Variants in ROBO1 observed in about 807,000 individuals in gnomAD.
ROBO1 encodes roundabout homolog 1.
In ROBO1, 149 loss-of-function variants were observed where a neutral mutation model predicts 195.9. The observed-to-expected ratio is 0.76, with a 90% CI of 0.67 to 0.87. The LOEUF (loss-of-function observed/expected upper bound fraction) is 0.87. Among genes scored for constraint, ROBO1 ranks in the 40% least tolerant of loss-of-function variants. The probability of loss-of-function intolerance (pLI) is 0.00; values close to 1 mark genes in which losing one functional copy is unlikely to be tolerated. For synonymous variants in ROBO1, 816 were observed against 733.2 expected, an observed-to-expected ratio of 1.11 and a Z score of -1.82; for missense variants, 1,933 against 2,068.3, an observed-to-expected ratio of 0.93 and a Z score of 1.27.
intron 2 of ROBO1, among the ~76,000 whole-genome samples, chr3:79,554,779 C>T (rs1942640019): frequency 6.6e-6 from 1 of 152,082 alleles, no homozygotes; most frequent in African/African-American, 2.4e-5. Flanking sequence ...ATGTGTTAAT[C>T]ATCTTGGAGA....
intron 2 of ROBO1, among the ~76,000 whole-genome samples, chr3:79,151,598 A>G (rs2080772361): frequency 6.6e-6 from 1 of 151,688 alleles, no homozygotes; most frequent in Non-Finnish European, 1.5e-5. Context: ...TAGAAATCGG[A>G]CTTAGTTTTC....
rs1341448645 is a variant in ROBO1, at chr3:78,668,173, G to A, written c.1760C>T (p.Ser587Leu). The A allele has an allele frequency of 6.2e-7, 1 of 1,613,676 alleles. No individual in the cohort carries two copies. Among genetic ancestry groups the A allele is most frequent in the Non-Finnish European group, 8.5e-7 (1 of 1,179,804 alleles). ...VTLSWQPNLNSGATPTSYIIE... is the reference protein window; with the variant it reads ...VTLSWQPNLNLGATPTSYIIE... ...AATATAAGATGTTGGAGTTGCTCCT[G>A]AATTCAAATTTGGTTGCCACGATAA... The change falls in exon 13 of 31, where the codon TCA becomes TTA. Residue 587 changes from serine to leucine, a missense_variant. Coordinates refer to ENST00000464233, the MANE Select transcript of ROBO1 (RefSeq NM_002941.4).
chr3:79,766,669 A>G (rs1262063092), intron 1 of ROBO1, among the ~76,000 whole-genome samples: 1 of 151,860 alleles, frequency 6.6e-6, no homozygotes, highest in East Asian at 2.0e-4. Context: ...GCTTCTCCCC[A>G]TTGTGTTCTC....
intron 4 of ROBO1, among the ~76,000 whole-genome samples, chr3:78,836,043 G>A (rs2032680848): frequency 6.6e-6 from 1 of 152,164 alleles, no homozygotes; most frequent in Admixed American, 6.5e-5. Context: ...ATTGGACAAT[G>A]CTGCCTAAAT....
At chr3:79,044,179 A>T (rs1224395658) in intron 3 of ROBO1, among the ~76,000 whole-genome samples, 9 of 151,928 alleles carry the variant, frequency 5.9e-5, no homozygotes, top group African/African-American at 2.2e-4. Flanking sequence ...AAGAAAGTAT[A>T]CAAATTTGTG....
intron 2 of ROBO1, among the ~76,000 whole-genome samples, chr3:79,303,305 T>C (rs1157661727): frequency 6.6e-6 from 1 of 151,704 alleles, no homozygotes; most frequent in Non-Finnish European, 1.5e-5. Flanking sequence ...TAGCTAGAAC[T>C]AAGGCATGCG....
chr3:78,787,284 T>C, intron 4 of ROBO1, among the ~76,000 whole-genome samples: 1 of 152,334 alleles, frequency 6.6e-6, no homozygotes, highest in East Asian at 1.9e-4. Flanking sequence ...TACCAGTATT[T>C]CAAAATTGTT....
chr3:79,466,046 T>C (rs1214317506), intron 2 of ROBO1, among the ~76,000 whole-genome samples: 1 of 151,550 alleles, frequency 6.6e-6, no homozygotes, highest in Non-Finnish European at 1.5e-5. Flanking sequence ...AAAAAAACAC[T>C]GTGTCTAAAT....
intron 1 of ROBO1, among the ~76,000 whole-genome samples, chr3:79,595,682 G>T (rs1944143802): frequency 6.6e-6 from 1 of 151,170 alleles, no homozygotes; most frequent in Non-Finnish European, 1.5e-5. Flanking sequence ...AGGACTACAG[G>T]TGTGCACCAC....
At chr3:79,046,385 C>A (rs189497278) in intron 3 of ROBO1, among the ~76,000 whole-genome samples, 11 of 151,942 alleles carry the variant, frequency 7.2e-5, no homozygotes, top group Non-Finnish European at 1.6e-4. Context: ...GTGAGAGACC[C>A]GGAGTTAAAG....
chr3:78,851,663 T>C (rs1016638454), intron 4 of ROBO1, among the ~76,000 whole-genome samples: 5 of 152,224 alleles, frequency 3.3e-5, no homozygotes, highest in Non-Finnish European at 7.3e-5. Flanking sequence ...GATGAAAATA[T>C]ATAAATCAAT....
chr3:78,670,035 T>C, intron 11 of ROBO1, 61 bp downstream of exon 11: 1 of 1,335,076 alleles, frequency 7.5e-7, no homozygotes, highest in Non-Finnish European at 1.0e-6. Context: ...TCAATGCCAG[T>C]TGTTGGAGGC....
intron 4 of ROBO1, among the ~76,000 whole-genome samples, chr3:78,935,206 T>C (rs911388613): frequency 4.6e-5 from 7 of 152,048 alleles, no homozygotes; most frequent in Admixed American, 2.0e-4. Flanking sequence ...ATTAGCAAAA[T>C]ACATATACAC....
intron 1 of ROBO1, among the ~76,000 whole-genome samples, chr3:79,754,427 T>C (rs760699166): frequency 6.6e-6 from 1 of 152,148 alleles, no homozygotes; most frequent in Non-Finnish European, 1.5e-5. Context: ...CCTGTTGAAG[T>C]GAACTATAAC....
chr3:79,633,429 A>G (rs1945405341), intron 1 of ROBO1, among the ~76,000 whole-genome samples: 1 of 147,230 alleles, frequency 6.8e-6, no homozygotes, highest in South Asian at 2.1e-4. Flanking sequence ...GGGTCAAATG[A>G]GGAGGCTCAG....
At chr3:79,027,073 G>A (rs1399854020) in intron 3 of ROBO1, among the ~76,000 whole-genome samples, 1 of 151,974 alleles carries the variant, frequency 6.6e-6, no homozygotes, top group Non-Finnish European at 1.5e-5. Context: ...AGACAAATTA[G>A]CTAGACAAAA....
chr3:79,679,824 C>T (rs1000631255), intron 1 of ROBO1, among the ~76,000 whole-genome samples: 2 of 151,856 alleles, frequency 1.3e-5, no homozygotes, highest in African/African-American at 4.8e-5. Context: ...CTCACATAGA[C>T]TACAGGCTTT....
intron 1 of ROBO1, among the ~76,000 whole-genome samples, chr3:79,652,550 C>T (rs952353934): frequency 2.0e-5 from 3 of 152,012 alleles, no homozygotes; most frequent in African/African-American, 4.8e-5. Context: ...AAGAATCTAT[C>T]GCACAGGATT....
chr3:78,937,750 C>A (rs891154829), intron 4 of ROBO1, among the ~76,000 whole-genome samples: 1 of 152,090 alleles, frequency 6.6e-6, no homozygotes, highest in African/African-American at 2.4e-5. Flanking sequence ...GGATAACATA[C>A]ACCTGTTTTC....
Sources: allele counts gnomAD v4.1 joint callset (sites outside exome capture counted in the v4.1 genomes callset), GRCh38; gene constraint gnomAD v4.1.1; transcripts MANE v1.5; gene names NCBI Gene and HGNC (gene_info 2026-07-23, HGNC 2026-07-21).